The following PCBP3 variants were observed in gnomAD, a reference collection of about 807,000 sequenced individuals.
The protein encoded by PCBP3 is poly(rC)-binding protein 3.
Under a neutral mutation model 52.7 loss-of-function variants are expected in PCBP3, and 25 were observed. The ratio of observed to expected loss-of-function variants is 0.47; its 90% confidence interval spans 0.35 to 0.66. PCBP3 has a LOEUF of 0.66. Ranked by LOEUF, PCBP3 falls within the 30% of genes least tolerant of loss-of-function variation. The pLI is 0.01. For synonymous variants in PCBP3, 162 were observed against 183.0 expected, an observed-to-expected ratio of 0.89 and a Z score of 0.93; for missense variants, 391 against 490.3, an observed-to-expected ratio of 0.80 and a Z score of 1.91.
intron 5 of PCBP3, among the ~76,000 whole-genome samples, chr21:45,856,713 G>A (rs116898652): frequency 0.02 from 3,029 of 152,044 alleles, 41 homozygotes; most frequent in Middle Eastern, 0.034. Context: ...GATTTATTCT[G>A]AGCCAAATCT....
chr21:45,763,647 C>G (rs1417763835), intron 4 of PCBP3: 9 of 152,312 alleles, frequency 5.9e-5, no homozygotes. Context: ...CTGCCTGCGC[C>G]CACCAGTGTG....
intron 2 of PCBP3, among the ~76,000 whole-genome samples, chr21:45,669,805 GTATATATATATATATATA>G (rs773020402): frequency 1.2e-4 from 6 of 49,728 alleles, no homozygotes; most frequent in African/African-American, 3.1e-4. Context: ...GTGTGTGTGT[GTATATATATATATATATA>G]TATATATATA....
chr21:45,691,426 A>AAT (rs1229116303), intron 2 of PCBP3, among the ~76,000 whole-genome samples: 1 of 133,806 alleles, frequency 7.5e-6, no homozygotes, highest in Non-Finnish European at 1.6e-5. Context: ...ATATATATAA[A>AAT]ATATATATAT....
chr21:45,694,271 C>T (rs2082643949), intron 2 of PCBP3, among the ~76,000 whole-genome samples: 1 of 152,070 alleles, frequency 6.6e-6, no homozygotes, highest in African/African-American at 2.4e-5. Context: ...AGATTAAACA[C>T]TCCAATTAAA....
chr21:45,812,034 T>G (rs2092699074), intron 4 of PCBP3, among the ~76,000 whole-genome samples: 1 of 152,266 alleles, frequency 6.6e-6, no homozygotes, highest in Non-Finnish European at 1.5e-5. Context: ...TTTTAAAAAT[T>G]TTAATATACA....
chr21:45,824,724 T>C (rs1412499409), intron 4 of PCBP3, among the ~76,000 whole-genome samples: 1 of 152,170 alleles, frequency 6.6e-6, no homozygotes, highest in Non-Finnish European at 1.5e-5. Context: ...CAGTAACGGT[T>C]CCACATGATG....
In PCBP3 at chr21:45,813,008, C is replaced by T. The variant is rs535667603; in HGVS notation, c.-125-36953C>T. On this transcript the variant is annotated intron_variant, in intron 4 of 17. Transcript: ENST00000681687. ...GAATGTGTGTGTATATGGTTTTCTT[C>T]TCTTCTGTTTTTTTATGGGAGTTTG... Among the ~76,000 whole-genome samples the T allele has an allele frequency of 3.0e-4, 45 of 152,184 alleles. No homozygotes were observed. The South Asian group carries it at 8.5e-3, about 29-fold the overall frequency.
chr21:45,892,375 G>A (rs1317497122), intron 5 of PCBP3, among the ~76,000 whole-genome samples: 3 of 148,892 alleles, frequency 2.0e-5, no homozygotes, highest in Middle Eastern at 3.4e-3. Flanking sequence ...TCCAGTCATC[G>A]TGCAGAACAA....
intron 4 of PCBP3, among the ~76,000 whole-genome samples, chr21:45,766,071 G>T (rs1169682860): frequency 6.6e-6 from 1 of 152,184 alleles, no homozygotes; most frequent in Non-Finnish European, 1.5e-5. Flanking sequence ...TGTCTCCTGT[G>T]GGACTGACGT....
intron 2 of PCBP3, among the ~76,000 whole-genome samples, chr21:45,696,079 CAAAAAAA>C (rs71185164): frequency 1.5e-4 from 6 of 39,638 alleles, no homozygotes; most frequent in African/African-American, 1.9e-4. Context: ...GACTCTGTCT[CAAAAAAA>C]AAAAAAAAAA....
intron 2 of PCBP3, among the ~76,000 whole-genome samples, chr21:45,731,585 A>G (rs1466357631): frequency 6.6e-6 from 1 of 152,208 alleles, no homozygotes; most frequent in Non-Finnish European, 1.5e-5. Context: ...TTTCTTAAAC[A>G]ACAACTCAAG....
chr21:45,686,517 C>G (rs966592507), intron 2 of PCBP3, among the ~76,000 whole-genome samples: 2 of 152,174 alleles, frequency 1.3e-5, no homozygotes, highest in African/African-American at 4.8e-5. Flanking sequence ...TGTCTACAGT[C>G]ATCTAAAGCT....
chr21:45,746,991 GCA>G (rs1569177438), intron 3 of PCBP3, among the ~76,000 whole-genome samples: 1 of 121,502 alleles, frequency 8.2e-6, no homozygotes, highest in African/African-American at 2.8e-5. Flanking sequence ...TTGACGTAGC[GCA>G]CACGGTGTTG....
chr21:45,707,002 T>C (rs958404084), intron 2 of PCBP3, among the ~76,000 whole-genome samples: 1 of 152,234 alleles, frequency 6.6e-6, no homozygotes, highest in Admixed American at 6.5e-5. Context: ...TCCTTTTCTG[T>C]AACTTTTATT....
At chr21:45,882,747 A>G (rs1390507890) in intron 5 of PCBP3, among the ~76,000 whole-genome samples, 3 of 152,182 alleles carry the variant, frequency 2.0e-5, no homozygotes, top group Non-Finnish European at 2.9e-5. Context: ...GCACAGGGAC[A>G]TCCAGTTTCC....
chr21:45,684,657 A>G (rs969645387), intron 2 of PCBP3, among the ~76,000 whole-genome samples: 3 of 152,162 alleles, frequency 2.0e-5, no homozygotes, highest in African/African-American at 7.2e-5. Context: ...CACCATGAGT[A>G]AAAGCTTCCT....
At chr21:45,676,611 T>A (rs962036386) in intron 2 of PCBP3, among the ~76,000 whole-genome samples, 2 of 152,172 alleles carry the variant, frequency 1.3e-5, no homozygotes, top group African/African-American at 2.4e-5. Context: ...GTTCTATGTG[T>A]TCTGACTGCT....
intron 13 of PCBP3, 47 bp from the exon 14 acceptor site, chr21:45,929,870 A>G: frequency 7.2e-7 from 1 of 1,391,710 alleles, no homozygotes; most frequent in Non-Finnish European, 1.0e-6. Flanking sequence ...TGTGACTTGT[A>G]CTCGATGACA....
Position 45,896,245 on chromosome 21 carries a change from C to A in PCBP3, c.48C>A (p.Ser16Arg). The A allele has an allele frequency of 9.0e-6, 14 of 1,552,136 alleles. No homozygotes were observed. The highest frequency in any genetic ancestry group is 1.2e-5 in the Non-Finnish European group (14 of 1,147,084). Reference protein sequence around the residue: ...AFWAPSVLPHSTLSTLSHHPQ... With the variant: ...AFWAPSVLPHRTLSTLSHHPQ... ...GGGCCCCATCTGTCCTTCCTCACAG[C>A]ACCCTCAGCACCTTAAGCCACCACC... Residue 16 changes from serine to arginine, a missense_variant, in exon 6 of 18, where the codon AGC (serine) becomes AGA (arginine). Ser to Arg is a moderately radical substitution (Grantham distance 110). Transcript: ENST00000681687.
Sources: gnomAD v4.1 joint callset for allele counts (sites outside exome capture counted in the v4.1 genomes callset) on GRCh38, gnomAD v4.1.1 for gene constraint, MANE v1.5 for transcripts, NCBI Gene and HGNC (gene_info 2026-07-23, HGNC 2026-07-21) for gene names.